PCDHGA10: variants seen among roughly 807,000 people sequenced by gnomAD.
PCDHGA10 encodes protocadherin gamma subfamily A, 10.
Under a neutral mutation model 59.5 loss-of-function variants are expected in PCDHGA10, and 42 were observed. The observed-to-expected ratio is 0.71, with a 90% CI of 0.55 to 0.91. PCDHGA10 has a LOEUF of 0.91. Among genes scored for constraint, PCDHGA10 ranks in the 40% least tolerant of loss-of-function variants. The probability of loss-of-function intolerance (pLI) is 0.00; values close to 1 mark genes in which losing one functional copy is unlikely to be tolerated. For missense variants in PCDHGA10, 1,111 were observed against 1,198.2 expected (o/e 0.93, Z 1.07); for synonymous variants, 511 against 517.2 (o/e 0.99, Z 0.16).
At chr5:141,474,002 G>A (rs1020912365) in intron 1 of PCDHGA10, among the ~76,000 whole-genome samples, 5 of 152,078 alleles carry the variant, frequency 3.3e-5, no homozygotes, top group Non-Finnish European at 5.9e-5. Context: ...CCAAGGAGCT[G>A]GAAGTTACAG....
At position 141,414,606 on chromosome 5, in the gene PCDHGA10, A is replaced by G. The variant is rs760846889; in HGVS notation, c.1431A>G (p.Ser477=). ...ACGCCAGGGGTGCCTCCATCTTCTCAGTGACAGCGCTGGACCCGGACAGCA... is the reference window on the plus strand; with the variant it reads ...ACGCCAGGGGTGCCTCCATCTTCTCGGTGACAGCGCTGGACCCGGACAGCA... ...ENNARGASIF[S]VTALDPDSKE... is the part of the protein sequence containing the mutation. The change falls in exon 1 of 4, where the codon TCA becomes TCG. Residue 477 remains serine, a synonymous_variant. Coordinates refer to ENST00000398610, the MANE Select transcript of PCDHGA10 (RefSeq NM_018913.3). The G allele has an allele frequency of 1.6e-5, 26 of 1,613,826 alleles. No homozygotes were observed. In the East Asian group the frequency reaches 5.6e-4, roughly 35 times the overall value.
chr5:141,498,523 G>A (rs555386753), intron 2 of PCDHGA10, among the ~76,000 whole-genome samples: 1 of 151,580 alleles, frequency 6.6e-6, no homozygotes, highest in Admixed American at 6.6e-5. Context: ...CTTGCCCACT[G>A]CCCTCCAGCC....
rs115237553 is a variant in PCDHGA10, at chr5:141,476,478, T to A, written c.2437-18329T>A. 1.3e-4 allele frequency: 203 copies of A among 1,613,844 alleles called. 2 individuals are homozygous for A. The African/African-American group carries it at 2.5e-3, about 20-fold the overall frequency. Reference sequence around the variant, plus strand: ...GAGAACCCGCTGGAGCTGTTCAGCGTGGAAGTGGTGATCCAGGACATCAAC... The same window carrying A: ...GAGAACCCGCTGGAGCTGTTCAGCGAGGAAGTGGTGATCCAGGACATCAAC... On this transcript the variant is annotated intron_variant, in intron 1 of 3. Transcript: ENST00000398610. The surrounding 1 kb of genome is among the most constrained non-coding windows in gnomAD (Gnocchi z 7.6).
chr5:141,463,535 G>A (rs1178825067), intron 1 of PCDHGA10, among the ~76,000 whole-genome samples: 4 of 137,928 alleles, frequency 2.9e-5, no homozygotes, highest in East Asian at 2.3e-4. Context: ...TAGAAACTCC[G>A]GCTCCCGGGT....
In PCDHGA10 at chr5:141,431,370, A is replaced by G; in HGVS notation, c.2436+15759A>G. ...CTGAAACGCGCCCTGGACCGCGAAG[A>G]AAAGGCTGCTCACCACCTGGTCCTT... is the stretch of plus-strand genomic sequence containing the variant. On this transcript the variant is annotated intron_variant, in intron 1 of 3. Coordinates refer to ENST00000398610, the MANE Select transcript of PCDHGA10 (RefSeq NM_018913.3). The surrounding 1 kb of genome is among the most constrained non-coding windows in gnomAD (Gnocchi z 4.8). 1 of 1,613,946 alleles carries G rather than the reference A, an allele frequency of 6.2e-7. No homozygotes were observed. The highest frequency in any genetic ancestry group is 8.5e-7 in the Non-Finnish European group (1 of 1,180,014).
intron 1 of PCDHGA10, among the ~76,000 whole-genome samples, chr5:141,429,527 T>TA (rs1321273157): frequency 1.3e-5 from 2 of 152,038 alleles, no homozygotes; most frequent in African/African-American, 4.8e-5. Flanking sequence ...GAAAAAAGCT[T>TA]AAAAAAATAA....
intron 1 of PCDHGA10, chr5:141,440,531 C>G (rs931337116): frequency 6.6e-6 from 1 of 152,272 alleles, no homozygotes; most frequent in Middle Eastern, 3.4e-3. Flanking sequence ...GAATCATGCA[C>G]CACGGTTCAG....
rs1263406836 is a variant in PCDHGA10 at position 141,491,918 on chromosome 5, G to A, written c.2437-2889G>A. On this transcript the variant is annotated intron_variant, in intron 1 of 3. Coordinates refer to ENST00000398610, the MANE Select transcript of PCDHGA10 (RefSeq NM_018913.3). The surrounding 1 kb of genome is among the most constrained non-coding windows in gnomAD (Gnocchi z 6.9). ...GCACCGGGGGTGGTGGCGACTGTGGGCGAGGGGAGGTGGGACCGACCCCCA... is the reference window on the plus strand; with the variant it reads ...GCACCGGGGGTGGTGGCGACTGTGGACGAGGGGAGGTGGGACCGACCCCCA... 2 of 1,371,698 alleles carry A rather than the reference G, an allele frequency of 1.5e-6. No homozygotes were observed. Among genetic ancestry groups the A allele is most frequent in the Non-Finnish European group, 1.9e-6 (2 of 1,028,962 alleles). 85.0% of individuals were successfully genotyped at this position (1,371,698 alleles called of 1,614,324 possible).
chr5:141,485,357 C>T lies in PCDHGA10; in HGVS notation c.2437-9450C>T. ...GCTGGATACGGACAGTCTGTCAGCT[C>T]GCAGGCTGCAGGTCGCTGGAGAGGT... On this transcript the variant is annotated intron_variant, in intron 1 of 3. Transcript: ENST00000398610. The surrounding 1 kb of genome is among the most constrained non-coding windows in gnomAD (Gnocchi z 5.7). 1.2e-6 allele frequency: 2 copies of T among 1,614,084 alleles called. No individual in the cohort carries two copies. The highest frequency in any genetic ancestry group is 1.1e-5 in the South Asian group (1 of 91,070).
chr5:141,427,991 C>T (rs748924488), intron 1 of PCDHGA10: 1 of 1,599,024 alleles, frequency 6.3e-7, no homozygotes, highest in Non-Finnish European at 8.6e-7. Context: ...GGCCCGATGG[C>T]TCCGCACTCT....
At chr5:141,480,221 T>C (rs2099514536) in intron 1 of PCDHGA10, among the ~76,000 whole-genome samples, 1 of 149,748 alleles carries the variant, frequency 6.7e-6, no homozygotes, top group Admixed American at 6.7e-5. Context: ...CTGAGCGACA[T>C]AGTGAGATCC....
chr5:141,488,450 C>T (rs2154581002), intron 1 of PCDHGA10, among the ~76,000 whole-genome samples: 1 of 152,314 alleles, frequency 6.6e-6, no homozygotes, highest in East Asian at 1.9e-4. Context: ...TCCTGGGTGA[C>T]CTGATTCAGC....
In PCDHGA10 at chr5:141,497,558, TA is replaced by T. The variant is rs543126612; in HGVS notation, c.2495+2694del. 6.7e-3 allele frequency among the ~76,000 whole-genome samples: 979 copies of T among 145,038 alleles called. 16 individuals carry two copies. Among genetic ancestry groups the T allele is most frequent in the African/African-American group, 0.024 (931 of 38,872 alleles). On this transcript the variant is annotated intron_variant, in intron 2 of 3. Coordinates refer to ENST00000398610, the MANE Select transcript of PCDHGA10 (RefSeq NM_018913.3). The stretch of plus-strand genomic sequence containing the variant: ...AACAAACCTTTTTTTTTTTTTTTTT[TA>T]GACAGAGTCTTGCTCTGTTGCCCAA...
intron 1 of PCDHGA10, chr5:141,428,370 C>A: frequency 1.8e-6 from 1 of 540,734 alleles, no homozygotes; most frequent in Non-Finnish European, 3.4e-6. Flanking sequence ...TCGCCTTGCA[C>A]CTGCGATGCT....
At position 141,487,128 on chromosome 5, in the gene PCDHGA10, G is replaced by A; in HGVS notation, c.2437-7679G>A. The A allele has an allele frequency of 6.2e-7, 1 of 1,614,086 alleles. No individual in the cohort carries two copies. ...GTCATTGTGGTAAAGGATAGTGGTA[G>A]TCCACCACTCTCTACCTCTGTTACT... is the stretch of plus-strand genomic sequence containing the variant. On this transcript the variant is annotated intron_variant, in intron 1 of 3. Transcript: ENST00000398610. This position sits in a 1 kb window ranked among gnomAD's most constrained non-coding sequence, Gnocchi z 5.0.
At chr5:141,426,896 C>A in intron 1 of PCDHGA10, 1 of 456,782 alleles carries the variant, frequency 2.2e-6, no homozygotes, top group Non-Finnish European at 4.4e-6. Context: ...AGCAACAGAG[C>A]TCTCATCTCC....
Position 141,489,454 on chromosome 5 carries a change from G to C in PCDHGA10, c.2437-5353G>C, listed in dbSNP as rs1177748773. 1 of 1,613,940 alleles carries C rather than the reference G, an allele frequency of 6.2e-7. No homozygotes were observed. The highest frequency in any genetic ancestry group is 1.3e-5 in the African/African-American group (1 of 74,906). On this transcript the variant is annotated intron_variant, in intron 1 of 3. Transcript: ENST00000398610. This position sits in a 1 kb window ranked among gnomAD's most constrained non-coding sequence, Gnocchi z 4.5. ...GCTGCAATTGGGCTCTGAGGAGAAT[G>C]GGCGCTATTTTTCCCTGAGCTTGAT...
At chr5:141,480,295 G>A (rs1190133739) in intron 1 of PCDHGA10, among the ~76,000 whole-genome samples, 2 of 133,330 alleles carry the variant, frequency 1.5e-5, no homozygotes, top group Admixed American at 7.4e-5. Context: ...TGCACCTGTG[G>A]TACCAGCTAC....
intron 1 of PCDHGA10, chr5:141,420,414 T>C: frequency 8.2e-7 from 1 of 1,221,674 alleles, no homozygotes; most frequent in Non-Finnish European, 1.1e-6. Flanking sequence ...GTTATCATTA[T>C]TAAAACAAAA....
Sources: allele counts gnomAD v4.1 joint callset (sites outside exome capture counted in the v4.1 genomes callset), GRCh38; gene constraint gnomAD v4.1.1; non-coding constraint Gnocchi (gnomAD v3.1); transcripts MANE v1.5; gene names NCBI Gene and HGNC (gene_info 2026-07-23, HGNC 2026-07-21).